The following CRADD variants were observed in gnomAD, a reference collection of about 807,000 sequenced individuals.
CRADD encodes the protein death domain-containing protein CRADD.
CRADD carries 9 observed loss-of-function variants against 15.5 expected under a neutral mutation model. The ratio of observed to expected loss-of-function variants is 0.58; its 90% confidence interval spans 0.35 to 1.01. CRADD has a LOEUF of 1.01. Among genes scored for constraint, CRADD ranks in the 50% least tolerant of loss-of-function variants. The pLI, the probability that CRADD is intolerant of heterozygous loss-of-function variation, is 0.02. For synonymous variants in CRADD, 118 were observed against 107.6 expected (o/e 1.10, Z -0.60); for missense variants, 227 against 250.3 (o/e 0.91, Z 0.63).
chr12:93,759,338 C>G (rs1454980228), intron 2 of CRADD, among the ~76,000 whole-genome samples: 7 of 151,938 alleles, frequency 4.6e-5, no homozygotes, highest in Non-Finnish European at 2.9e-5. Context: ...AAAAGAGTTG[C>G]ATATATGAAT....
At chr12:93,787,800 A>G (rs1030943407) in intron 2 of CRADD, among the ~76,000 whole-genome samples, 2 of 152,174 alleles carry the variant, frequency 1.3e-5, no homozygotes, top group African/African-American at 4.8e-5. Flanking sequence ...TCATTTGTTC[A>G]TTCCACAAAC....
At chr12:93,791,464 T>A (rs1468234816) in intron 2 of CRADD, among the ~76,000 whole-genome samples, 1 of 152,122 alleles carries the variant, frequency 6.6e-6, no homozygotes, top group Non-Finnish European at 1.5e-5. Flanking sequence ...GCACGTGGAA[T>A]CTAAAAGAGT....
chr12:93,832,586 TC>T (rs1749456695), intron 2 of CRADD, among the ~76,000 whole-genome samples: 1 of 152,196 alleles, frequency 6.6e-6, no homozygotes, highest in Admixed American at 6.5e-5. Flanking sequence ...AAAGATAATA[TC>T]AAGGAACCAT....
chr12:93,862,789 C>T (rs755800695), intron 2 of CRADD, among the ~76,000 whole-genome samples: 1 of 152,198 alleles, frequency 6.6e-6, no homozygotes, highest in Non-Finnish European at 1.5e-5. Flanking sequence ...TCTTCCATGA[C>T]ACCACCTATT....
In CRADD at chr12:93,747,995, AT is replaced by A. The variant is rs552117495; in HGVS notation, c.298+68924del. 8.0e-3 allele frequency among the ~76,000 whole-genome samples: 1,208 copies of A among 151,550 alleles called. 10 individuals carry two copies. The highest frequency in any genetic ancestry group is 0.026 in the African/African-American group (1,055 of 41,256). On this transcript the variant is annotated intron_variant, in intron 2 of 2. Coordinates refer to ENST00000332896, the MANE Select transcript of CRADD (RefSeq NM_003805.5). ...CTCAGCTTGTAAAGTGGAGAAAAAA[AT>A]ATATATATATATGAAATACTTTATG... is the stretch of plus-strand genomic sequence containing the variant.
At chr12:93,775,958 A>G (rs1211409041) in intron 2 of CRADD, among the ~76,000 whole-genome samples, 1 of 152,232 alleles carries the variant, frequency 6.6e-6, no homozygotes, top group African/African-American at 2.4e-5. Flanking sequence ...AGTTGTACAA[A>G]AAGGAGATAA....
rs764979733 is a variant in CRADD, at chr12:93,678,942, C to T, written c.168C>T (p.Leu56=). The change falls in exon 2 of 3, where the codon CTC becomes CTT. Residue 56 remains leucine (L), a synonymous_variant. Coordinates refer to ENST00000332896, the MANE Select transcript of CRADD (RefSeq NM_003805.5). ...AQTTGLRKTM[L]LLDILPSRGP... is the part of the protein sequence containing the mutation. Reference sequence around the variant, plus strand: ...CCACAGGCCTCCGGAAAACAATGCTCCTGCTGGATATCCTACCTTCCAGGG... The same window carrying T: ...CCACAGGCCTCCGGAAAACAATGCTTCTGCTGGATATCCTACCTTCCAGGG... 23 of 1,613,994 alleles carry T rather than the reference C, an allele frequency of 1.4e-5. No individual in the cohort carries two copies. Among genetic ancestry groups the T allele is most frequent in the Admixed American group, 3.3e-5 (2 of 60,000 alleles).
rs52807869 is a variant in CRADD, at chr12:93,678,877, A to G, written c.103A>G (p.Ile35Val). 0.026 allele frequency: 41,713 copies of G among 1,614,182 alleles called. 693 individuals carry two copies. The highest frequency in any genetic ancestry group is 0.029 in the Non-Finnish European group (33,653 of 1,180,022). ...TCTTCAGTACCTCTACCAGGAAGGA[A>G]TCTTGACGGAAAACCATATTCAAGA... ...LVLQYLYQEGILTENHIQEIN... is the reference protein window; with the variant it reads ...LVLQYLYQEGVLTENHIQEIN... The change falls in exon 2 of 3, where the codon ATC becomes GTC. Residue 35 changes from isoleucine (I) to valine (V), a missense_variant. Ile to Val is a conservative substitution (Grantham distance 29). Transcript: ENST00000332896.
At chr12:93,766,980 A>G (rs1400402318) in intron 2 of CRADD, among the ~76,000 whole-genome samples, 2 of 152,186 alleles carry the variant, frequency 1.3e-5, no homozygotes, top group African/African-American at 4.8e-5. Flanking sequence ...TGGTTTCAAG[A>G]AACAGATACT....
rs1203441382 is a variant in CRADD at position 93,743,587 on chromosome 12, C to T, written c.298+64515C>T. On this transcript the variant is annotated intron_variant, in intron 2 of 2. Coordinates refer to ENST00000332896, the MANE Select transcript of CRADD (RefSeq NM_003805.5). ...TATTCCTTATAGTAAGCTGAATTCCCTGTGTAATTATTCTTACTGTCCCTT... is the reference window on the plus strand; with the variant it reads ...TATTCCTTATAGTAAGCTGAATTCCTTGTGTAATTATTCTTACTGTCCCTT... Among the ~76,000 whole-genome samples the T allele has an allele frequency of 2.0e-5, 3 of 152,134 alleles. No homozygotes were observed. In the East Asian group the frequency reaches 5.8e-4, roughly 29 times the overall value.
At chr12:93,881,442 G>C (rs114120395) in intron 2 of CRADD, among the ~76,000 whole-genome samples, 36 of 144,964 alleles carry the variant, frequency 2.5e-4, no homozygotes, top group Admixed American at 6.9e-4. Context: ...AAAAGTGTGG[G>C]GGGGGGGTGG....
chr12:93,824,934 CAGAT>C lies in CRADD; in HGVS notation c.299-25033_299-25030del, dbSNP rs1471352954. Among the ~76,000 whole-genome samples the C allele has an allele frequency of 2.0e-5, 3 of 152,156 alleles. No individual in the cohort carries two copies. Among genetic ancestry groups the C allele is most frequent in the African/African-American group, 7.2e-5 (3 of 41,422 alleles). On this transcript the variant is annotated intron_variant, in intron 2 of 2. Coordinates refer to ENST00000332896, the MANE Select transcript of CRADD (RefSeq NM_003805.5). The surrounding 1 kb of genome is among the most constrained non-coding windows in gnomAD (Gnocchi z 4.3). ...TAAATGTTTACATTATCTTTTTGCT[CAGAT>C]AGTTTTCACAAGTATATATTCATTA...
At chr12:93,782,373 A>G (rs1222523468) in intron 2 of CRADD, among the ~76,000 whole-genome samples, 1 of 152,054 alleles carries the variant, frequency 6.6e-6, no homozygotes. Context: ...GGATAGCATT[A>G]GGAGATACAC....
intron 2 of CRADD, among the ~76,000 whole-genome samples, chr12:93,704,189 T>G (rs981872098): frequency 6.6e-6 from 1 of 152,130 alleles, no homozygotes; most frequent in African/African-American, 2.4e-5. Context: ...GAAATCTCAA[T>G]TTAATACTCT....
intron 2 of CRADD, among the ~76,000 whole-genome samples, chr12:93,732,664 T>G (rs1956486965): frequency 1.3e-5 from 2 of 152,234 alleles, no homozygotes; most frequent in African/African-American, 4.8e-5. Context: ...CAGACAGACC[T>G]GGGTTAAAAT....
At chr12:93,814,262 G>A (rs904184513) in intron 2 of CRADD, among the ~76,000 whole-genome samples, 13 of 152,162 alleles carry the variant, frequency 8.5e-5, no homozygotes, top group African/African-American at 3.1e-4. Flanking sequence ...AAGGCAAAGC[G>A]AATCCTCCAA....
intron 2 of CRADD, among the ~76,000 whole-genome samples, chr12:93,870,123 G>A (rs531007617): frequency 6.6e-6 from 1 of 152,302 alleles, no homozygotes; most frequent in African/African-American, 2.4e-5. Flanking sequence ...TGATTTAGAG[G>A]TGGGAGCAGG....
chr12:93,837,966 A>G (rs141129850), intron 2 of CRADD: 81 of 152,284 alleles, frequency 5.3e-4, no homozygotes, highest in African/African-American at 1.8e-3. Flanking sequence ...ATTATTGCTA[A>G]CAGTTTTATT....
At chr12:93,777,873 A>G (rs1036998797) in intron 2 of CRADD, among the ~76,000 whole-genome samples, 19 of 152,288 alleles carry the variant, frequency 1.2e-4, no homozygotes, top group African/African-American at 3.4e-4. Context: ...CGTGGCATAC[A>G]TTAAATCAAA....
Sources: gnomAD v4.1 joint callset for allele counts (sites outside exome capture counted in the v4.1 genomes callset) on GRCh38, gnomAD v4.1.1 for gene constraint, Gnocchi (gnomAD v3.1) non-coding constraint, MANE v1.5 for transcripts, NCBI Gene and HGNC (gene_info 2026-07-23, HGNC 2026-07-21) for gene names.